Variants in EYS observed in about 807,000 individuals in gnomAD.
EYS encodes the protein EGF-like photoreceptor maintenance factor, also known as protein eyes shut homolog.
Under a neutral mutation model 282.1 loss-of-function variants are expected in EYS, and 250 were observed. The observed-to-expected ratio is 0.89, with a 90% CI of 0.80 to 0.98. The LOEUF (loss-of-function observed/expected upper bound fraction) is 0.98, where lower values mean the gene tolerates loss of function less well. Among genes scored for constraint, EYS ranks in the 50% least tolerant of loss-of-function variants. The pLI is 0.00. For missense variants in EYS, 4,016 were observed against 3,709.0 expected (o/e 1.08, Z -2.15); for synonymous variants, 1,355 against 1,282.9 (o/e 1.06, Z -1.20).
chr6:65,070,581 C>T (rs1773874583), intron 12 of EYS, among the ~76,000 whole-genome samples: 1 of 151,544 alleles, frequency 6.6e-6, no homozygotes, highest in African/African-American at 2.4e-5. Flanking sequence ...GATTTTAATG[C>T]TGTTTTCTTG....
At chr6:64,724,621 A>C (rs1051258826) in intron 22 of EYS, among the ~76,000 whole-genome samples, 3 of 152,216 alleles carry the variant, frequency 2.0e-5, no homozygotes, top group Non-Finnish European at 4.4e-5. Context: ...AACACAAAGC[A>C]TTAATGTTGA....
intron 41 of EYS, among the ~76,000 whole-genome samples, chr6:63,735,909 G>A (rs1023200267): frequency 5.9e-5 from 9 of 152,068 alleles, no homozygotes; most frequent in Admixed American, 5.2e-4. Context: ...GCTCTATCTG[G>A]TGTGTCTGCA....
At chr6:64,889,422 T>A (rs972458831) in intron 18 of EYS, among the ~76,000 whole-genome samples, 8 of 152,096 alleles carry the variant, frequency 5.3e-5, no homozygotes, top group Non-Finnish European at 8.8e-5. Context: ...CTACCCATAA[T>A]TCTTGTTTTT....
At chr6:65,392,511 G>A (rs1047717594) in intron 7 of EYS, among the ~76,000 whole-genome samples, 1 of 152,178 alleles carries the variant, frequency 6.6e-6, no homozygotes, top group Non-Finnish European at 1.5e-5. Context: ...AGTGGGAGAA[G>A]GATATGAAAA....
chr6:64,199,222 G>C (rs1765388992), intron 31 of EYS, among the ~76,000 whole-genome samples: 1 of 152,056 alleles, frequency 6.6e-6, no homozygotes, highest in Non-Finnish European at 1.5e-5. Flanking sequence ...CATGGTACTG[G>C]TACCAAAACA....
intron 12 of EYS, among the ~76,000 whole-genome samples, chr6:65,208,540 C>T (rs568467860): frequency 7.2e-5 from 11 of 151,810 alleles, no homozygotes; most frequent in South Asian, 2.1e-4. Context: ...AGCAAAGTCA[C>T]GGAATCAAGC....
intron 11 of EYS, among the ~76,000 whole-genome samples, chr6:65,311,822 CATTACT>C: frequency 6.6e-6 from 1 of 152,210 alleles, no homozygotes; most frequent in Non-Finnish European, 1.5e-5. Flanking sequence ...GTGTAGGTAG[CATTACT>C]AAACTTAGCA....
chr6:64,509,444 C>T (rs9451845), intron 26 of EYS, among the ~76,000 whole-genome samples: 3,274 of 152,196 alleles, frequency 0.022, 61 homozygotes, highest in African/African-American at 0.053. Context: ...TTATATGTTC[C>T]TTAAAGTGTG....
At chr6:63,757,223 G>A (rs1037341952) in intron 41 of EYS, among the ~76,000 whole-genome samples, 9 of 152,144 alleles carry the variant, frequency 5.9e-5, no homozygotes, top group Non-Finnish European at 1.0e-4. Context: ...ATTCTTGGGG[G>A]GAGGTCTATA....
chr6:65,149,916 T>G (rs1031144680), intron 12 of EYS, among the ~76,000 whole-genome samples: 3 of 152,072 alleles, frequency 2.0e-5, no homozygotes, highest in Non-Finnish European at 4.4e-5. Flanking sequence ...CTCAGGAAAC[T>G]TACAATCATG....
At chr6:65,258,750 T>C (rs1465781843) in intron 12 of EYS, among the ~76,000 whole-genome samples, 1 of 152,062 alleles carries the variant, frequency 6.6e-6, no homozygotes, top group African/African-American at 2.4e-5. Context: ...ATGGAATGTA[T>C]ACTCAGAGTT....
intron 39 of EYS, among the ~76,000 whole-genome samples, chr6:63,778,702 A>AT (rs1458154012): frequency 6.6e-6 from 1 of 152,126 alleles, no homozygotes; most frequent in Admixed American, 6.5e-5. Flanking sequence ...TTTTTAGTAC[A>AT]TATTTCTAGA....
At chr6:64,338,316 G>T (rs577139655) in intron 29 of EYS, among the ~76,000 whole-genome samples, 2 of 151,988 alleles carry the variant, frequency 1.3e-5, no homozygotes, top group African/African-American at 4.8e-5. Context: ...CAAATCAGTA[G>T]CTCTGTTGTA....
chr6:63,754,076 C>G (rs1051921655), intron 41 of EYS, among the ~76,000 whole-genome samples: 2 of 152,152 alleles, frequency 1.3e-5, no homozygotes, highest in Admixed American at 6.5e-5. Context: ...ATTTCTTACT[C>G]TTTTTCCCTG....
intron 31 of EYS, among the ~76,000 whole-genome samples, chr6:64,141,051 A>C (rs140127135): frequency 5.1e-4 from 78 of 152,274 alleles, no homozygotes; most frequent in African/African-American, 1.8e-3. Context: ...GATGCATTTC[A>C]TTGGATTATT....
chr6:65,489,642 T>C (rs906658577), intron 5 of EYS: 1 of 152,070 alleles, frequency 6.6e-6, no homozygotes, highest in Non-Finnish European at 1.5e-5. Flanking sequence ...ACCCAAAGGA[T>C]TATAATCATT....
At chr6:64,184,456 C>G (rs932507915) in intron 31 of EYS, among the ~76,000 whole-genome samples, 1 of 152,112 alleles carries the variant, frequency 6.6e-6, no homozygotes, top group Non-Finnish European at 1.5e-5. Context: ...TAAATACCCA[C>G]TTCACTTCTG....
chr6:64,977,660 T>G (rs1259554933), intron 14 of EYS, among the ~76,000 whole-genome samples: 1 of 131,194 alleles, frequency 7.6e-6, no homozygotes, highest in African/African-American at 2.8e-5. Context: ...TAAGCCAAGC[T>G]GTGAATGAAA....
intron 31 of EYS, among the ~76,000 whole-genome samples, chr6:64,093,137 T>C (rs1392127702): frequency 3.3e-5 from 5 of 152,240 alleles, no homozygotes; most frequent in African/African-American, 1.2e-4. Context: ...ACCAGTACCA[T>C]GCTGTTTTGG....
Sources: allele counts gnomAD v4.1 joint callset (sites outside exome capture counted in the v4.1 genomes callset), GRCh38; gene constraint gnomAD v4.1.1; transcripts MANE v1.5; gene names NCBI Gene and HGNC (gene_info 2026-07-23, HGNC 2026-07-21).